The following ERBIN variants were observed in gnomAD, a reference collection of about 807,000 sequenced individuals.
ERBIN encodes densin-180-like protein.
ERBIN carries 60 observed loss-of-function variants against 158.4 expected under a neutral mutation model. That is an observed-to-expected ratio of 0.38 (90% CI 0.31 to 0.47). The LOEUF (loss-of-function observed/expected upper bound fraction) is 0.47. Ranked by LOEUF, ERBIN falls within the 20% of genes least tolerant of loss-of-function variation. The pLI is 0.99. For synonymous variants in ERBIN, 594 were observed against 557.2 expected, an observed-to-expected ratio of 1.07 and a Z score of -0.93; for missense variants, 1,610 against 1,648.0, an observed-to-expected ratio of 0.98 and a Z score of 0.40.
chr5:66,002,599 G>A (rs556014987), intron 4 of ERBIN, among the ~76,000 whole-genome samples: 9 of 152,306 alleles, frequency 5.9e-5, no homozygotes, highest in African/African-American at 1.9e-4. Flanking sequence ...CAATACTAGC[G>A]AGGTTAACCA....
chr5:66,076,553 G>A, intron 24 of ERBIN, 145 bp downstream of exon 24: 1 of 695,872 alleles, frequency 1.4e-6, no homozygotes, highest in Non-Finnish European at 2.4e-6. Context: ...TTACCTTTTT[G>A]TTTTGTAATT....
intron 1 of ERBIN, among the ~76,000 whole-genome samples, chr5:65,967,766 T>C (rs1267379280): frequency 3.9e-5 from 6 of 152,260 alleles, no homozygotes; most frequent in African/African-American, 9.6e-5. Flanking sequence ...CTTAGTGATA[T>C]TATAAACCAA....
At chr5:66,014,615 T>G in intron 6 of ERBIN, 54 bp from the exon 7 acceptor site, 2 of 843,868 alleles carry the variant, frequency 2.4e-6, no homozygotes, top group South Asian at 3.5e-5. Context: ...TGAAATTAAT[T>G]TATTAAATTC....
At position 66,079,403 on chromosome 5, in the gene ERBIN, G is replaced by A. The variant is rs55722179; in HGVS notation, c.*873G>A. ...TTTTTTTTTTCAAATGGTGGTACTT[G>A]CAATCTGTTTTATAATTAGTGCTCC... is the stretch of plus-strand genomic sequence containing the variant. On this transcript the variant is annotated 3_prime_UTR_variant, in exon 26 of 26. Coordinates refer to ENST00000284037, the MANE Select transcript of ERBIN (RefSeq NM_001253697.2). The A allele has an allele frequency of 7.6e-3, 1,128 of 148,016 alleles. 7 individuals are homozygous for A. The highest frequency in any genetic ancestry group is 0.013 in the South Asian group (60 of 4,684). 9.2% of individuals were successfully genotyped at this position (148,016 alleles called of 1,614,324 possible). A position where few individuals can be genotyped will look rare whatever the true frequency, so the allele number is the denominator to read the frequency against.
chr5:66,058,956 A>T (rs1759937767), intron 21 of ERBIN, among the ~76,000 whole-genome samples: 1 of 152,056 alleles, frequency 6.6e-6, no homozygotes, highest in African/African-American at 2.4e-5. Flanking sequence ...GTGTAGTTTG[A>T]AGTCAGGTAG....
chr5:66,013,082 TAG>T (rs1292523201), intron 5 of ERBIN, among the ~76,000 whole-genome samples: 1 of 152,192 alleles, frequency 6.6e-6, no homozygotes, highest in Non-Finnish European at 1.5e-5. Context: ...ATCTAGTTTG[TAG>T]AGATCAGTGT....
chr5:65,957,896 C>G (rs1747404187), intron 1 of ERBIN, among the ~76,000 whole-genome samples: 2 of 151,742 alleles, frequency 1.3e-5, no homozygotes, highest in South Asian at 4.2e-4. Context: ...CCTCACTTCT[C>G]AGCCGGGGCG....
intron 1 of ERBIN, among the ~76,000 whole-genome samples, chr5:65,940,483 C>T (rs1288780536): frequency 6.9e-5 from 9 of 130,232 alleles, no homozygotes; most frequent in South Asian, 2.5e-4. Context: ...CAGTCCCCCC[C>T]CCCCCGGCCA....
intron 14 of ERBIN, among the ~76,000 whole-genome samples, chr5:66,033,663 A>G (rs1172687784): frequency 6.6e-6 from 1 of 152,218 alleles, no homozygotes; most frequent in Non-Finnish European, 1.5e-5. Flanking sequence ...ATGGAATCAC[A>G]TAATGTTGAT....
intron 1 of ERBIN, among the ~76,000 whole-genome samples, chr5:65,954,894 G>A (rs556227988): frequency 3.9e-4 from 59 of 151,508 alleles, no homozygotes; most frequent in African/African-American, 1.3e-3. Context: ...GTGAAGCTCC[G>A]TCTCTACTAA....
Position 65,929,637 on chromosome 5 carries a change from CTTTTTTT to C in ERBIN, c.-58+2845_-58+2851del, listed in dbSNP as rs762687200. On this transcript the variant is annotated intron_variant, in intron 1 of 25. Coordinates refer to ENST00000284037, the MANE Select transcript of ERBIN (RefSeq NM_001253697.2). Reference sequence around the variant, plus strand: ...TCTAAAGATGTCTTTGTCTTTTCCTCTTTTTTTTTTTTTTTTTTTTCGAGATGGAGTC... The same window carrying C: ...TCTAAAGATGTCTTTGTCTTTTCCTCTTTTTTTTTTTTTCGAGATGGAGTC... 4.1e-5 allele frequency among the ~76,000 whole-genome samples: 5 copies of C among 121,670 alleles called. No individual in the cohort carries two copies. The South Asian group carries it at 7.9e-4, about 19-fold the overall frequency. 79.8% of individuals were successfully genotyped at this position (121,670 alleles called of 152,430 possible).
rs541198405 is a variant in ERBIN at position 66,032,671 on chromosome 5, C to T, written c.1206+4328C>T. ...AAGATGGATTCATCAGGGGTTAGTG[C>T]CAAGCATGAAGGTAGGGGAGACTGA... On this transcript the variant is annotated intron_variant, in intron 14 of 25. Transcript: ENST00000284037. Among the ~76,000 whole-genome samples the T allele has an allele frequency of 3.9e-5, 6 of 152,094 alleles. No homozygotes were observed. The South Asian group carries it at 1.2e-3, about 32-fold the overall frequency.
rs35278406 is a variant in ERBIN at position 66,054,216 on chromosome 5, A to G, written c.2898A>G (p.Gln966=). 0.035 allele frequency: 56,357 copies of G among 1,614,126 alleles called. 1,120 individuals are homozygous for G. The highest frequency in any genetic ancestry group is 0.039 in the Non-Finnish European group (46,044 of 1,180,008). The change falls in exon 21 of 26, where the codon CAA becomes CAG. Residue 966 remains glutamine (Q), a synonymous_variant. Coordinates refer to ENST00000284037, the MANE Select transcript of ERBIN (RefSeq NM_001253697.2). ...NIIRGPTSGP[Q]SAPQIYGPPQ... ...TAAGAGGCCCCACAAGTGGCCCACA[A>G]TCTGCACCTCAAATATATGGTCCTC... is the stretch of plus-strand genomic sequence containing the variant.
At chr5:66,076,660 A>G (rs947582110) in intron 24 of ERBIN, 5 of 600,812 alleles carry the variant, frequency 8.3e-6, no homozygotes, top group Non-Finnish European at 8.8e-6. Flanking sequence ...TCACACACCT[A>G]TAAAAGTAAT....
At chr5:65,974,588 A>G (rs979206479) in intron 1 of ERBIN, among the ~76,000 whole-genome samples, 2 of 152,214 alleles carry the variant, frequency 1.3e-5, no homozygotes, top group African/African-American at 4.8e-5. Context: ...TTCCATCCCC[A>G]TCTTAACTCT....
intron 8 of ERBIN, among the ~76,000 whole-genome samples, chr5:66,021,667 A>G (rs1181245329): frequency 6.6e-6 from 1 of 152,122 alleles, no homozygotes; most frequent in African/African-American, 2.4e-5. Context: ...TTGAGTGATT[A>G]TAAGTGGGAA....
intron 1 of ERBIN, among the ~76,000 whole-genome samples, chr5:65,979,042 A>G (rs1463135313): frequency 6.6e-6 from 1 of 152,222 alleles, no homozygotes; most frequent in Non-Finnish European, 1.5e-5. Context: ...AGCTGCTGCC[A>G]GCTCAAATGG....
At chr5:66,008,289 G>T (rs1043646469) in intron 4 of ERBIN, among the ~76,000 whole-genome samples, 3 of 151,978 alleles carry the variant, frequency 2.0e-5, no homozygotes, top group African/African-American at 7.3e-5. Flanking sequence ...CGTGGTGGCG[G>T]GCGCCTATAG....
rs767266944 is a variant in ERBIN at position 66,046,404 on chromosome 5, T to A, written c.1654T>A (p.Tyr552Asn). The part of the protein sequence containing the change: ...VKSKVDEREK[Y>N]MIGNSVQKIS... The stretch of plus-strand genomic sequence containing the variant: ...AAGCAAAGTTGATGAAAGAGAAAAA[T>A]ATATGATAGGAAACTCTGTACAGAA... Residue 552 changes from tyrosine to asparagine, a missense_variant, in exon 18 of 26, where the codon TAT becomes AAT. Around this residue, in one of 2 missense-constraint regions of ERBIN, gnomAD observed 596 missense variants for 711.9 expected, o/e 0.84. Coordinates refer to ENST00000284037, the MANE Select transcript of ERBIN (RefSeq NM_001253697.2). 2 of 1,604,620 alleles carry A rather than the reference T, an allele frequency of 1.2e-6. No homozygotes were observed. The highest frequency in any genetic ancestry group is 2.7e-5 in the African/African-American group (2 of 74,646).
Sources: allele counts gnomAD v4.1 joint callset (sites outside exome capture counted in the v4.1 genomes callset), GRCh38; gene constraint gnomAD v4.1.1; regional missense constraint gnomAD v4.1.1; transcripts MANE v1.5; gene names NCBI Gene and HGNC (gene_info 2026-07-23, HGNC 2026-07-21).